The following MTM1 variants were observed in gnomAD, a reference collection of about 807,000 sequenced individuals.
The protein encoded by MTM1 is myotubularin 1.
MTM1 carries 9 observed loss-of-function variants against 52.1 expected under a neutral mutation model. The ratio of observed to expected loss-of-function variants is 0.17; its 90% confidence interval spans 0.10 to 0.30. The LOEUF (loss-of-function observed/expected upper bound fraction) is 0.30. Ranked by LOEUF, MTM1 falls within the 10% of genes least tolerant of loss-of-function variation. The pLI is 1.00. For missense variants in MTM1, 277 were observed against 470.7 expected (o/e 0.59, Z 3.81); for synonymous variants, 136 against 163.8 (o/e 0.83, Z 1.29).
intron 4 of MTM1, among the ~76,000 whole-genome samples, chrX:150,612,990 A>AG (rs2039315023): frequency 9.2e-6 from 1 of 108,947 alleles, no homozygotes; most frequent in Non-Finnish European, 1.9e-5. Context: ...CTAAAAAAAA[A>AG]AAAAAATTAA....
intron 10 of MTM1, among the ~76,000 whole-genome samples, chrX:150,657,533 G>A (rs782351215): frequency 1.9e-5 from 2 of 107,305 alleles, no homozygotes; most frequent in South Asian, 8.5e-4. Flanking sequence ...CGAGTTAATG[G>A]GTGCAGCACA....
chrX:150,604,904 C>G (rs2039129358), intron 4 of MTM1, among the ~76,000 whole-genome samples: 1 of 111,008 alleles, frequency 9.0e-6, no homozygotes, highest in Non-Finnish European at 1.9e-5. Context: ...TCTCCCCTCC[C>G]TTGTGTATAC....
At chrX:150,639,356 A>G (rs1187634939) in intron 7 of MTM1, among the ~76,000 whole-genome samples, 1 of 112,365 alleles carries the variant, frequency 8.9e-6, no homozygotes, top group African/African-American at 3.2e-5. Flanking sequence ...TTTAGAAGTT[A>G]CACTTTAGGA....
At chrX:150,664,784 GTGTT>G (rs2040278538) in intron 14 of MTM1, among the ~76,000 whole-genome samples, 1 of 112,508 alleles carries the variant, frequency 8.9e-6, no homozygotes, top group South Asian at 3.6e-4. Context: ...GATGAGCACT[GTGTT>G]TGTCCTATAA....
At chrX:150,670,906 C>G (rs782568669) in intron 14 of MTM1, among the ~76,000 whole-genome samples, 34 of 112,094 alleles carry the variant, frequency 3.0e-4, no homozygotes, top group Non-Finnish European at 3.9e-4. Flanking sequence ...TGCAACTTAA[C>G]AAGGATGAAA....
chrX:150,595,785 C>A (rs2038965687), intron 2 of MTM1, among the ~76,000 whole-genome samples: 1 of 112,286 alleles, frequency 8.9e-6, no homozygotes, highest in Non-Finnish European at 1.9e-5. Flanking sequence ...TTACTGTGCC[C>A]ACCTAGCAGA....
intron 13 of MTM1, among the ~76,000 whole-genome samples, chrX:150,661,643 T>A (rs782548174): frequency 9.9e-5 from 11 of 111,259 alleles, no homozygotes; most frequent in Non-Finnish European, 1.5e-4. Context: ...CATAAGTAAA[T>A]CTGGAGGACA....
chrX:150,596,215 C>A (rs372107838), intron 2 of MTM1, among the ~76,000 whole-genome samples: 3 of 111,879 alleles, frequency 2.7e-5, no homozygotes, highest in East Asian at 5.6e-4. Flanking sequence ...TTATCACTTT[C>A]CCGAAAGCTG....
Position 150,592,007 on chromosome X carries a change from C to T in MTM1, c.-10-598C>T, listed in dbSNP as rs782568884. On this transcript the variant is annotated intron_variant, in intron 1 of 14. Transcript: ENST00000370396. ...GTGTATGTTCTGAATAGAATGCTTT[C>T]ATTTATGCCTGAATTGTGATGAATA... Among the ~76,000 whole-genome samples, 3 of 112,440 alleles carry T rather than the reference C, an allele frequency of 2.7e-5. No homozygotes were observed. The South Asian group carries it at 1.1e-3, about 41-fold the overall frequency.
At chrX:150,594,384 AC>A (rs1366140940) in intron 2 of MTM1, among the ~76,000 whole-genome samples, 8 of 111,679 alleles carry the variant, frequency 7.2e-5, no homozygotes, top group Non-Finnish European at 1.9e-5. Context: ...TGCTGGGATT[AC>A]AGGCATGGAC....
At chrX:150,671,379 C>T (rs1557415125) in intron 14 of MTM1, 49 bp from the exon 15 acceptor site, 2 of 1,196,525 alleles carry the variant, frequency 1.7e-6, no homozygotes, top group South Asian at 1.8e-5. Flanking sequence ...CGTGAGTTCT[C>T]ATGACGTGCG....
intron 10 of MTM1, 73 bp downstream of exon 10, chrX:150,649,974 T>A (rs1164249771): frequency 2.3e-5 from 22 of 957,939 alleles, no homozygotes; most frequent in African/African-American, 9.7e-5. Flanking sequence ...GACATATTTT[T>A]AAATTCCTTA....
chrX:150,631,663 T>G (rs1344743324), intron 6 of MTM1, among the ~76,000 whole-genome samples: 10 of 44,546 alleles, frequency 2.2e-4, no homozygotes, highest in Non-Finnish European at 3.7e-4. Flanking sequence ...TGAGACTCCA[T>G]CTCCAAAAAA....
chrX:150,627,268 TCC>T (rs1379411762), intron 6 of MTM1, among the ~76,000 whole-genome samples: 2 of 111,682 alleles, frequency 1.8e-5, no homozygotes, highest in African/African-American at 6.5e-5. Flanking sequence ...CTGTCAACTA[TCC>T]CACCCCTTCC....
chrX:150,657,721 C>T lies in MTM1; in HGVS notation c.1054-100C>T, dbSNP rs1386137765. ...CCTTTTGATAAATCTTTGTTCTGGA[C>T]GTTAATATTTTAAAGCATGGCTTTT... is the stretch of plus-strand genomic sequence containing the variant. On this transcript the variant is annotated intron_variant, in intron 10 of 14. Coordinates refer to ENST00000370396, the MANE Select transcript of MTM1 (RefSeq NM_000252.3). 4.4e-5 allele frequency: 34 copies of T among 779,462 alleles called. No individual in the cohort carries two copies. The Admixed American group carries it at 4.5e-4, about 10-fold the overall frequency. The allele number at this position is 779,462 out of a possible 1,213,427, so 64.2% of individuals were successfully genotyped here. A position where few individuals can be genotyped will look rare whatever the true frequency, so the allele number is the denominator to read the frequency against.
intron 1 of MTM1, among the ~76,000 whole-genome samples, chrX:150,572,386 G>C (rs951468777): frequency 1.8e-5 from 2 of 112,038 alleles, no homozygotes; most frequent in Non-Finnish European, 3.8e-5. Flanking sequence ...GTATAAGAGG[G>C]CAGTTGTCCT....
rs2038727835 is a variant in MTM1, at chrX:150,583,919, A to AT, written c.-10-8686_-10-8685insT. Among the ~76,000 whole-genome samples, 15 of 49,976 alleles carry AT rather than the reference A, an allele frequency of 3.0e-4. 2 individuals carry two copies. The highest frequency in any genetic ancestry group is 7.0e-5 in the African/African-American group (1 of 14,231). The allele number at this position is 49,976 out of a possible 115,157, so 43.4% of individuals were successfully genotyped here. On this transcript the variant is annotated intron_variant, in intron 1 of 14. Transcript: ENST00000370396. ...TTTGATATATATATATATAATATAA[A>AT]ATATATATTAAATTAAAATATATAT...
chrX:150,660,244 C>T (rs1557414625), intron 12 of MTM1, 127 bp from the exon 13 acceptor site: 14 of 491,888 alleles, frequency 2.8e-5, no homozygotes, highest in Non-Finnish European at 7.1e-6. Context: ...GTGCAGATTA[C>T]AGCCTCTGCT....
intron 13 of MTM1, among the ~76,000 whole-genome samples, chrX:150,661,832 A>T (rs1287390819): frequency 3.6e-5 from 4 of 111,645 alleles, no homozygotes; most frequent in African/African-American, 1.3e-4. Context: ...ACCTTCAGTT[A>T]TAAGTACTAA....
Sources: gnomAD v4.1 joint callset for allele counts (sites outside exome capture counted in the v4.1 genomes callset) on GRCh38, gnomAD v4.1.1 for gene constraint, MANE v1.5 for transcripts, NCBI Gene and HGNC (gene_info 2026-07-23, HGNC 2026-07-21) for gene names.